LAMA3: variants seen among roughly 807,000 people sequenced by gnomAD.
The protein encoded by LAMA3 is laminin subunit alpha-3.
Under a neutral mutation model 402.0 loss-of-function variants are expected in LAMA3, and 281 were observed. That is an observed-to-expected ratio of 0.70 (90% CI 0.63 to 0.77). The LOEUF is 0.77. Ranked by LOEUF, LAMA3 falls within the 30% of genes least tolerant of loss-of-function variation. The pLI, the probability that LAMA3 is intolerant of heterozygous loss-of-function variation, is 0.00. For synonymous variants in LAMA3, 1,431 were observed against 1,558.4 expected, an observed-to-expected ratio of 0.92 and a Z score of 1.93; for missense variants, 3,840 against 4,215.5, an observed-to-expected ratio of 0.91 and a Z score of 2.47.
chr18:23,847,394 G>C, intron 31 of LAMA3, 70 bp from the exon 32 acceptor site: 1 of 1,510,446 alleles, frequency 6.6e-7, no homozygotes, highest in Non-Finnish European at 9.1e-7. Flanking sequence ...AAGCCTGGCA[G>C]TTGGTGGAGT....
intron 24 of LAMA3, chr18:23,834,249 A>G: frequency 2.2e-6 from 1 of 464,084 alleles, no homozygotes; most frequent in South Asian, 2.1e-5. Flanking sequence ...CACATGGCAC[A>G]GCACAACCTT....
rs2062014160 is a variant in LAMA3 at position 23,763,448 on chromosome 18, A to G, written c.1107A>G (p.Pro369=). 2 of 1,613,976 alleles carry G rather than the reference A, an allele frequency of 1.2e-6. No homozygotes were observed. The highest frequency in any genetic ancestry group is 1.3e-5 in the African/African-American group (1 of 74,914). The change falls in exon 8 of 75, where the codon CCA becomes CCG. Residue 369 remains proline (P), a synonymous_variant. Coordinates refer to ENST00000313654, the MANE Select transcript of LAMA3 (RefSeq NM_198129.4). ...HGHASNCYYD[P]DVERQQASLN... ...ATGCCAGCAACTGTTACTATGATCCAGATGTTGAGCGGCAGCAGGCAAGCT... is the reference window on the plus strand; with the variant it reads ...ATGCCAGCAACTGTTACTATGATCCGGATGTTGAGCGGCAGCAGGCAAGCT...
chr18:23,856,352 G>C (rs2064079435), intron 32 of LAMA3, among the ~76,000 whole-genome samples: 1 of 152,206 alleles, frequency 6.6e-6, no homozygotes, highest in Non-Finnish European at 1.5e-5. Flanking sequence ...GGAGATAGGT[G>C]ATGGCCTACA....
intron 41 of LAMA3, among the ~76,000 whole-genome samples, chr18:23,885,677 A>G (rs1295787899): frequency 6.6e-6 from 1 of 152,174 alleles, no homozygotes; most frequent in Non-Finnish European, 1.5e-5. Context: ...GGAAAGTAAC[A>G]GTATGAAAAA....
chr18:23,930,811 A>G (rs1456095609), intron 64 of LAMA3, among the ~76,000 whole-genome samples: 1 of 152,210 alleles, frequency 6.6e-6, no homozygotes, highest in African/African-American at 2.4e-5. Flanking sequence ...AATTGGCTTA[A>G]TGAATGTAGG....
At chr18:23,772,105 G>T (rs1270502116) in intron 8 of LAMA3, among the ~76,000 whole-genome samples, 1 of 149,782 alleles carries the variant, frequency 6.7e-6, no homozygotes, top group Non-Finnish European at 1.5e-5. Context: ...GCAGTGGTGT[G>T]ATTTCGGCTC....
In LAMA3 at chr18:23,833,961, A is replaced by G. The variant is rs745558550; in HGVS notation, c.2957A>G (p.Gln986Arg). ...AGCTCCGGGTCTGTTCTGGCAGGCC[A>G]GGTGAACATTTACAGCTGCAACTAC... is the stretch of plus-strand genomic sequence containing the variant. ...VKSSGSVLAG[Q>R]VNIYSCNYSV... Residue 986 changes from glutamine (Q) to arginine (R), a missense_variant, in exon 24 of 75, where the codon CAG becomes CGG. Around this residue, in one of 3 missense-constraint regions of LAMA3, gnomAD observed 2,109 missense variants for 2,376.0 expected, o/e 0.89. Transcript: ENST00000313654. The G allele has an allele frequency of 1.2e-5, 19 of 1,614,266 alleles. No individual in the cohort carries two copies. Among genetic ancestry groups the G allele is most frequent in the Non-Finnish European group, 1.5e-5 (18 of 1,180,044 alleles).
chr18:23,792,722 TATTGCCGC>T (rs2062683650), intron 12 of LAMA3, among the ~76,000 whole-genome samples: 1 of 151,722 alleles, frequency 6.6e-6, no homozygotes, highest in South Asian at 2.1e-4. Flanking sequence ...GCAGGGAGAG[TATTGCCGC>T]ATTGGGAATG....
intron 11 of LAMA3, chr18:23,781,213 C>A (rs562117806): frequency 4.6e-6 from 2 of 436,650 alleles, no homozygotes; most frequent in East Asian, 7.2e-5. Context: ...ACGGTAAAAA[C>A]GTTCCCTTTC....
chr18:23,718,236 T>C (rs2061144837), intron 2 of LAMA3, among the ~76,000 whole-genome samples: 1 of 152,068 alleles, frequency 6.6e-6, no homozygotes, highest in Non-Finnish European at 1.5e-5. Flanking sequence ...CTGGACTTCC[T>C]CCAGAATCCA....
chr18:23,953,173 A>C, intron 74 of LAMA3, 64 bp downstream of exon 74: 1 of 1,602,014 alleles, frequency 6.2e-7, no homozygotes, highest in South Asian at 1.1e-5. Flanking sequence ...TCACTTCTTA[A>C]TTAGTGGCAG....
chr18:23,817,892 G>A (rs1323816915), intron 18 of LAMA3, among the ~76,000 whole-genome samples: 4 of 152,136 alleles, frequency 2.6e-5, no homozygotes, highest in Non-Finnish European at 4.4e-5. Flanking sequence ...CCTGGCTCGC[G>A]CCTGTAATCC....
intron 29 of LAMA3, among the ~76,000 whole-genome samples, chr18:23,844,188 T>G (rs2063764197): frequency 6.6e-6 from 1 of 152,246 alleles, no homozygotes; most frequent in Non-Finnish European, 1.5e-5. Flanking sequence ...CCCTGTAAGC[T>G]GTGAGCTGGT....
At chr18:23,927,545 G>C (rs555504960) in intron 62 of LAMA3, among the ~76,000 whole-genome samples, 17 of 152,116 alleles carry the variant, frequency 1.1e-4, no homozygotes, top group Non-Finnish European at 2.5e-4. Context: ...TATGAACCCA[G>C]ACAATGTGTT....
At chr18:23,710,807 C>T (rs1408328974) in intron 1 of LAMA3, among the ~76,000 whole-genome samples, 2 of 151,996 alleles carry the variant, frequency 1.3e-5, no homozygotes, top group Admixed American at 1.3e-4. Flanking sequence ...GCCAAACTTT[C>T]TAATTATTAA....
At chr18:23,828,865 T>G (rs531314542) in intron 23 of LAMA3, among the ~76,000 whole-genome samples, 75 of 152,374 alleles carry the variant, frequency 4.9e-4, no homozygotes, top group African/African-American at 1.7e-3. Context: ...TTATTTTTTC[T>G]TGTCTTTTCT....
chr18:23,793,015 G>T (rs1371119608), intron 12 of LAMA3, among the ~76,000 whole-genome samples: 5 of 152,202 alleles, frequency 3.3e-5, no homozygotes, highest in African/African-American at 9.7e-5. Flanking sequence ...TGCTGTAGGG[G>T]CCACATGGAG....
intron 1 of LAMA3, among the ~76,000 whole-genome samples, chr18:23,694,561 G>A (rs534048006): frequency 1.3e-5 from 2 of 152,196 alleles, no homozygotes; most frequent in African/African-American, 2.4e-5. Flanking sequence ...TACAAATGAG[G>A]AAACTGAAGC....
At chr18:23,707,880 C>T (rs2060919502) in intron 1 of LAMA3, among the ~76,000 whole-genome samples, 1 of 152,134 alleles carries the variant, frequency 6.6e-6, no homozygotes, top group Non-Finnish European at 1.5e-5. Context: ...AGGCATGTGC[C>T]ACCATGCCCA....
Sources: allele counts gnomAD v4.1 joint callset (sites outside exome capture counted in the v4.1 genomes callset), GRCh38; gene constraint gnomAD v4.1.1; regional missense constraint gnomAD v4.1.1; transcripts MANE v1.5; gene names NCBI Gene and HGNC (gene_info 2026-07-23, HGNC 2026-07-21).